DCAF17: variants seen among roughly 807,000 people sequenced by gnomAD.
DCAF17 encodes DDB1- and CUL4-associated factor 17.
A neutral mutation model predicts 66.0 loss-of-function variants in DCAF17; 48 were observed. The ratio of observed to expected loss-of-function variants is 0.73; its 90% CI spans 0.58 to 0.92. The LOEUF is 0.92. DCAF17 is among the 40% of genes least tolerant of loss of function. DCAF17 has a pLI of 0.00. For synonymous variants in DCAF17, 206 were observed against 214.6 expected (o/e 0.96, Z 0.35); for missense variants, 562 against 622.8 (o/e 0.90, Z 1.04).
At chr2:171,436,629 G>A (rs1693977601) in intron 2 of DCAF17, among the ~76,000 whole-genome samples, 1 of 134,136 alleles carries the variant, frequency 7.5e-6, no homozygotes, top group Non-Finnish European at 1.6e-5. Context: ...TTGCCCACTT[G>A]TAAATTTTTT....
chr2:171,455,369 G>C (rs1366099048), intron 6 of DCAF17, among the ~76,000 whole-genome samples: 4 of 152,188 alleles, frequency 2.6e-5, no homozygotes, highest in Non-Finnish European at 5.9e-5. Flanking sequence ...GTATTCCCTG[G>C]TGTATATGTA....
chr2:171,466,023 A>T (rs75246237), intron 8 of DCAF17, among the ~76,000 whole-genome samples: 30,754 of 151,892 alleles, frequency 0.2, 3,259 homozygotes, highest in South Asian at 0.28. Flanking sequence ...TATCTAAATT[A>T]AAAAAAATTT....
intron 9 of DCAF17, among the ~76,000 whole-genome samples, chr2:171,471,000 G>A (rs892830816): frequency 2.0e-5 from 3 of 152,198 alleles, no homozygotes; most frequent in African/African-American, 7.2e-5. Flanking sequence ...TTTGGTATTT[G>A]TGAGGGGTCC....
chr2:171,475,485 G>T (rs1397090287), intron 10 of DCAF17, among the ~76,000 whole-genome samples: 2 of 152,182 alleles, frequency 1.3e-5, no homozygotes, highest in Non-Finnish European at 2.9e-5. Flanking sequence ...AAGAGAAGGG[G>T]CTGGGCTTGG....
At chr2:171,441,559 A>G (rs1694308159) in intron 2 of DCAF17, among the ~76,000 whole-genome samples, 1 of 152,172 alleles carries the variant, frequency 6.6e-6, no homozygotes, top group Non-Finnish European at 1.5e-5. Context: ...AGCAATAGGC[A>G]GCTGGGGACT....
At chr2:171,446,946 T>C (rs58367130) in intron 3 of DCAF17, among the ~76,000 whole-genome samples, 8,532 of 152,234 alleles carry the variant, frequency 0.056, 269 homozygotes, top group African/African-American at 0.072. Flanking sequence ...GTGACCAATA[T>C]GAAGGGTCAA....
At chr2:171,452,418 C>A (rs1695006502) in intron 5 of DCAF17, among the ~76,000 whole-genome samples, 1 of 151,974 alleles carries the variant, frequency 6.6e-6, no homozygotes, top group Admixed American at 6.6e-5. Flanking sequence ...GATATTATTT[C>A]TAATTTCCTG....
chr2:171,453,221 C>A lies in DCAF17; in HGVS notation c.627+8C>A. The A allele has an allele frequency of 6.3e-7, 1 of 1,588,460 alleles. No individual in the cohort carries two copies. Among genetic ancestry groups the A allele is most frequent in the Non-Finnish European group, 8.6e-7 (1 of 1,159,338 alleles). On this transcript the variant is annotated splice_region_variant and intron_variant, in intron 6 of 13. Coordinates refer to ENST00000375255, the MANE Select transcript of DCAF17 (RefSeq NM_025000.4). ...CTAGAGATCAACAAAAAGGTAAGAA[C>A]TCATTTCTTATTTAATTGCAATATT... is the stretch of plus-strand genomic sequence containing the variant.
chr2:171,479,989 A>G (rs1696668584), intron 12 of DCAF17, 49 bp from the exon 13 acceptor site: 7 of 1,599,900 alleles, frequency 4.4e-6, no homozygotes, highest in Non-Finnish European at 5.1e-6. Flanking sequence ...GCCTACCTGA[A>G]TAACTGGATT....
intron 11 of DCAF17, 113 bp from the exon 12 acceptor site, chr2:171,477,874 T>A (rs1452917177): frequency 1.2e-6 from 1 of 809,854 alleles, no homozygotes; most frequent in Admixed American, 2.0e-5. Context: ...GAGGAAAGAA[T>A]TGTGGATGTG....
chr2:171,480,653 T>C, intron 13 of DCAF17, among the ~76,000 whole-genome samples: 1 of 152,162 alleles, frequency 6.6e-6, no homozygotes, highest in Non-Finnish European at 1.5e-5. Context: ...CCAGGTCTTG[T>C]TTTATCAGTG....
chr2:171,478,624 A>G (rs1696608464), intron 12 of DCAF17, among the ~76,000 whole-genome samples: 1 of 152,238 alleles, frequency 6.6e-6, no homozygotes, highest in South Asian at 2.1e-4. Context: ...ACTGATAGTG[A>G]TCATGCTTTA....
Position 171,469,131 on chromosome 2 carries a change from AT to A in DCAF17, c.981+104del. ...ATTCCTAAGAATTACTTTTTTGTGC[AT>A]TTGTATTAACAATTTGCAAACAATT... On this transcript the variant is annotated intron_variant, in intron 9 of 13. Transcript: ENST00000375255. 3.0e-6 allele frequency: 4 copies of A among 1,328,486 alleles called. No individual in the cohort carries two copies. In the South Asian group the frequency reaches 4.9e-5, roughly 16 times the overall value. The allele number at this position is 1,328,486 out of a possible 1,614,324, so 82.3% of individuals were successfully genotyped here.
chr2:171,473,526 G>T (rs1424033752), intron 9 of DCAF17, among the ~76,000 whole-genome samples: 3 of 152,200 alleles, frequency 2.0e-5, no homozygotes, highest in African/African-American at 7.2e-5. Flanking sequence ...TACTTCCTTT[G>T]AGTGTTATTA....
At chr2:171,440,872 A>G (rs530006747) in intron 2 of DCAF17, among the ~76,000 whole-genome samples, 1 of 152,284 alleles carries the variant, frequency 6.6e-6, no homozygotes, top group Non-Finnish European at 1.5e-5. Flanking sequence ...GGATCTAAGA[A>G]TAATTATGGA....
At position 171,481,705 on chromosome 2, in the gene DCAF17, A is replaced by AT. The variant is rs1180391780; in HGVS notation, c.*593dup. The AT allele has an allele frequency of 2.2e-6, 1 of 453,750 alleles. No homozygotes were observed. Among genetic ancestry groups the AT allele is most frequent in the South Asian group, 1.6e-5 (1 of 64,382 alleles). 28.1% of individuals were successfully genotyped at this position (453,750 alleles called of 1,614,324 possible). A position where few individuals can be genotyped will look rare whatever the true frequency, so the allele number is the denominator to read the frequency against. ...ATCAGGAATTGGTTCTAGTTCCCAAATTATCTTTTCTTCCTTGGTTTTGTT... is the reference window on the plus strand; with the variant it reads ...ATCAGGAATTGGTTCTAGTTCCCAAATTTATCTTTTCTTCCTTGGTTTTGTT... On this transcript the variant is annotated 3_prime_UTR_variant, in exon 14 of 14. Transcript: ENST00000375255.
At position 171,438,978 on chromosome 2, in the gene DCAF17, C is replaced by G. The variant is rs373291150; in HGVS notation, c.230+3792C>G. Reference sequence around the variant, plus strand: ...CATACTCCTGACCTCAAGTAGTCCTCCCACCTCAGCCTCTGCTGAGGATTA... The same window carrying G: ...CATACTCCTGACCTCAAGTAGTCCTGCCACCTCAGCCTCTGCTGAGGATTA... On this transcript the variant is annotated intron_variant, in intron 2 of 13. Transcript: ENST00000375255. 1.6e-4 allele frequency among the ~76,000 whole-genome samples: 21 copies of G among 131,930 alleles called. No homozygotes were observed. In the East Asian group the frequency reaches 4.7e-3, roughly 30 times the overall value. The allele number at this position is 131,930 out of a possible 152,430, so 86.6% of individuals were successfully genotyped here.
Position 171,484,022 on chromosome 2 carries a change from A to C in DCAF17, c.*2908A>C, listed in dbSNP as rs1696853299. On this transcript the variant is annotated 3_prime_UTR_variant, in exon 14 of 14. Coordinates refer to ENST00000375255, the MANE Select transcript of DCAF17 (RefSeq NM_025000.4). Reference sequence around the variant, plus strand: ...TTTTTTACTGATGATTCAGTGTCTAAATTTTGAACAAATTTGGGTAAGATA... The same window carrying C: ...TTTTTTACTGATGATTCAGTGTCTACATTTTGAACAAATTTGGGTAAGATA... The C allele has an allele frequency of 2.2e-6, 1 of 453,800 alleles. No individual in the cohort carries two copies. The highest frequency in any genetic ancestry group is 1.6e-5 in the South Asian group (1 of 64,392). The allele number at this position is 453,800 out of a possible 1,614,324, so 28.1% of individuals were successfully genotyped here.
chr2:171,471,968 T>G (rs1369901814), intron 9 of DCAF17, among the ~76,000 whole-genome samples: 2 of 150,764 alleles, frequency 1.3e-5, no homozygotes, highest in East Asian at 3.9e-4. Context: ...TGAGCCGAGA[T>G]CACACCACTG....
Sources: gnomAD v4.1 joint callset for allele counts (sites outside exome capture counted in the v4.1 genomes callset) on GRCh38, gnomAD v4.1.1 for gene constraint, MANE v1.5 for transcripts, NCBI Gene and HGNC (gene_info 2026-07-23, HGNC 2026-07-21) for gene names.